The following TRMT11 variants were observed in gnomAD, a reference collection of about 807,000 sequenced individuals.
The protein encoded by TRMT11 is tRNA methyltransferase 11, also known as tRNA (guanine(10)-N(2))-methyltransferase TRMT11.
TRMT11 carries 53 observed loss-of-function variants against 62.8 expected under a neutral mutation model. The observed-to-expected ratio is 0.84, with a 90% CI of 0.68 to 1.06. TRMT11 has a LOEUF of 1.06. TRMT11 is among the 50% of genes least tolerant of loss of function. TRMT11 has a pLI of 0.00. For synonymous variants in TRMT11, 188 were observed against 190.3 expected (o/e 0.99, Z 0.10); for missense variants, 556 against 553.4 (o/e 1.00, Z -0.05).
At chr6:126,099,989 C>T (rs1014111119) in intron 17 of TRMT11, among the ~76,000 whole-genome samples, 3 of 152,146 alleles carry the variant, frequency 2.0e-5, no homozygotes, top group Admixed American at 2.0e-4. Context: ...CAGGTCTCAG[C>T]AGCCTGGGTG....
At position 126,115,816 on chromosome 6, in the gene TRMT11, A is replaced by AG. The variant is rs1200526623; in HGVS notation, c.*1785dup. On this transcript the variant is annotated 3_prime_UTR_variant and NMD_transcript_variant, in exon 21 of 23. Coordinates refer to the TRMT11 transcript ENST00000648977. ...AGTATTGCTTCTTCCTGTTCCCATTAGTGTCACCTCAGCAGTGACTTTTCA... is the reference window on the plus strand; with the variant it reads ...AGTATTGCTTCTTCCTGTTCCCATTAGGTGTCACCTCAGCAGTGACTTTTCA... 2.6e-5 allele frequency among the ~76,000 whole-genome samples: 4 copies of AG among 152,032 alleles called. No homozygotes were observed. The East Asian group carries it at 7.8e-4, about 30-fold the overall frequency.
the TRMT11 span, among the ~76,000 whole-genome samples, chr6:126,228,876 C>T: frequency 3.3e-4 from 50 of 152,300 alleles, no homozygotes; most frequent in African/African-American, 1.2e-3. Flanking sequence ...CTCATTAACA[C>T]TTGAAAATCT....
the TRMT11 span, among the ~76,000 whole-genome samples, chr6:126,240,974 G>A: frequency 1.3e-4 from 20 of 152,362 alleles, no homozygotes; most frequent in African/African-American, 4.6e-4. Flanking sequence ...TGCCAGCAAT[G>A]AGCGAGGCTC....
At chr6:126,171,323 A>C (rs1778327859) in intron 21 of TRMT11, among the ~76,000 whole-genome samples, 1 of 151,572 alleles carries the variant, frequency 6.6e-6, no homozygotes, top group African/African-American at 2.4e-5. Flanking sequence ...GAAGGAAGTA[A>C]CCCTGGCAAG....
At chr6:125,991,383 T>C (rs934435127) in intron 1 of TRMT11, among the ~76,000 whole-genome samples, 8 of 152,084 alleles carry the variant, frequency 5.3e-5, no homozygotes, top group African/African-American at 1.7e-4. Flanking sequence ...CCTGAGTAGC[T>C]GGGACTACAG....
intron 17 of TRMT11, among the ~76,000 whole-genome samples, chr6:126,099,373 T>G (rs1343677728): frequency 6.6e-6 from 1 of 152,194 alleles, no homozygotes; most frequent in Non-Finnish European, 1.5e-5. Flanking sequence ...ATTTAGTGCA[T>G]CAATCAAAAT....
intron 1 of TRMT11, among the ~76,000 whole-genome samples, chr6:125,991,481 G>A (rs1037244669): frequency 1.3e-5 from 2 of 151,876 alleles, no homozygotes; most frequent in Non-Finnish European, 2.9e-5. Flanking sequence ...GTGAGGGGGC[G>A]GGAGGGGGTC....
intron 21 of TRMT11, among the ~76,000 whole-genome samples, chr6:126,139,089 T>C (rs12204717): frequency 0.28 from 42,801 of 151,882 alleles, 6,408 homozygotes; most frequent in Middle Eastern, 0.44. Flanking sequence ...CTGGTTCAAT[T>C]CCTGGATTAA....
At chr6:126,221,353 G>C in the TRMT11 span, among the ~76,000 whole-genome samples, 1 of 152,232 alleles carries the variant, frequency 6.6e-6, no homozygotes, top group South Asian at 2.1e-4. Context: ...TTCCACAGTG[G>C]CTGAACTTTA....
At chr6:126,129,953 A>G (rs1484726975) in intron 21 of TRMT11, among the ~76,000 whole-genome samples, 2 of 152,016 alleles carry the variant, frequency 1.3e-5, no homozygotes, top group East Asian at 1.9e-4. Context: ...TGCCATTTCC[A>G]TGCTCATAGA....
At chr6:126,146,215 C>A (rs922700358) in intron 21 of TRMT11, among the ~76,000 whole-genome samples, 1 of 152,124 alleles carries the variant, frequency 6.6e-6, no homozygotes, top group African/African-American at 2.4e-5. Flanking sequence ...AGAACAGTTG[C>A]GTCTTGTTTT....
chr6:126,052,304 C>A (rs1425701810), intron 16 of TRMT11, among the ~76,000 whole-genome samples: 1 of 152,126 alleles, frequency 6.6e-6, no homozygotes, highest in African/African-American at 2.4e-5. Flanking sequence ...CGCAGGCTGC[C>A]GCTGTTTGGG....
chr6:126,197,878 G>A (rs1778684979), intron 1 of TRMT11, among the ~76,000 whole-genome samples: 1 of 152,106 alleles, frequency 6.6e-6, no homozygotes, highest in African/African-American at 2.4e-5. Context: ...TAAAATCCAA[G>A]AGGCAGTGAG....
At chr6:126,110,157 GT>G (rs1223159000) in intron 17 of TRMT11, among the ~76,000 whole-genome samples, 1 of 152,138 alleles carries the variant, frequency 6.6e-6, no homozygotes, top group African/African-American at 2.4e-5. Flanking sequence ...AGCAATAGCA[GT>G]TGTACCCACC....
chr6:126,114,195 GA>G (rs1415502919), intron 18 of TRMT11, among the ~76,000 whole-genome samples: 1 of 152,058 alleles, frequency 6.6e-6, no homozygotes, highest in Non-Finnish European at 1.5e-5. Flanking sequence ...GAGTTCTGAT[GA>G]AAACGTATTT....
At chr6:126,120,471 A>T (rs80354822) in intron 21 of TRMT11, among the ~76,000 whole-genome samples, 1,821 of 152,222 alleles carry the variant, frequency 0.012, 11 homozygotes, top group Middle Eastern at 0.037. Context: ...CCAAAAGCAA[A>T]TGTTTGTGTC....
chr6:126,016,183 T>G (rs967952901), intron 11 of TRMT11, among the ~76,000 whole-genome samples: 5 of 152,244 alleles, frequency 3.3e-5, no homozygotes, highest in African/African-American at 1.2e-4. Flanking sequence ...TCATTTCTTT[T>G]GCATTTGTAA....
chr6:126,121,859 C>T (rs190137589), intron 21 of TRMT11, among the ~76,000 whole-genome samples: 93 of 152,154 alleles, frequency 6.1e-4, no homozygotes, highest in Admixed American at 1.0e-3. Context: ...CCCCCCACTC[C>T]GCCACACAGA....
chr6:126,156,591 AAAG>A (rs1411765306), intron 21 of TRMT11, among the ~76,000 whole-genome samples: 58 of 152,202 alleles, frequency 3.8e-4, no homozygotes, highest in African/African-American at 4.8e-5. Flanking sequence ...TTTATAAAGA[AAAG>A]AAGTTTAAAT....
Sources: allele counts gnomAD v4.1 joint callset (sites outside exome capture counted in the v4.1 genomes callset), GRCh38; gene constraint gnomAD v4.1.1; transcripts MANE v1.5; gene names NCBI Gene and HGNC (gene_info 2026-07-23, HGNC 2026-07-21).